The following ANK2 variants were observed in gnomAD, a reference collection of about 807,000 sequenced individuals.
ANK2 encodes the protein ankyrin-2.
In ANK2, 83 loss-of-function variants were observed where a neutral mutation model predicts 360.5. The ratio of observed to expected loss-of-function variants is 0.23; its 90% CI spans 0.19 to 0.28. The LOEUF (loss-of-function observed/expected upper bound fraction) is 0.28, where lower values mean the gene tolerates loss of function less well. Among genes scored for constraint, ANK2 ranks in the 10% least tolerant of loss-of-function variants. ANK2 has a pLI of 1.00. For synonymous variants in ANK2, 1,740 were observed against 1,759.5 expected (o/e 0.99, Z 0.28); for missense variants, 4,201 against 4,795.7 (o/e 0.88, Z 3.66).
At chr4:112,830,364 G>A (rs980003365) in intron 1 of ANK2, among the ~76,000 whole-genome samples, 5 of 152,152 alleles carry the variant, frequency 3.3e-5, no homozygotes, top group African/African-American at 7.2e-5. Flanking sequence ...AGATGGAGCC[G>A]GAGGCCATTA....
chr4:112,784,172 C>A, the ANK2 span, among the ~76,000 whole-genome samples: 1 of 151,790 alleles, frequency 6.6e-6, no homozygotes, highest in Non-Finnish European at 1.5e-5. Flanking sequence ...ATGTTAAAAG[C>A]ATAAACTCCT....
chr4:112,792,464 TGTACAAGTAGTATTGC>T, the ANK2 span, among the ~76,000 whole-genome samples: 1 of 152,228 alleles, frequency 6.6e-6, no homozygotes, highest in African/African-American at 2.4e-5. Flanking sequence ...GCATTCTTAC[TGTACAAGTAGTATTGC>T]CATGGAATTT....
At chr4:113,028,286 G>A (rs1401281226) in intron 2 of ANK2, among the ~76,000 whole-genome samples, 1 of 152,102 alleles carries the variant, frequency 6.6e-6, no homozygotes, top group Non-Finnish European at 1.5e-5. Context: ...GGTGTAGAAG[G>A]TAGCCAAACA....
rs897030789 is a variant in ANK2 at position 113,378,201 on chromosome 4, G to C, written c.11860-3256G>C. ...TAAAAGGTTTGGGTTAGCATGGGGTGATGCTTTGCCAACTAACACCATAAA... is the reference window on the plus strand; with the variant it reads ...TAAAAGGTTTGGGTTAGCATGGGGTCATGCTTTGCCAACTAACACCATAAA... On this transcript the variant is annotated intron_variant, in intron 45 of 45. Coordinates refer to ENST00000357077, the MANE Select transcript of ANK2 (RefSeq NM_001148.6). The C allele has an allele frequency of 6.1e-6, 7 of 1,149,782 alleles. No individual in the cohort carries two copies. In the Admixed American group the frequency reaches 1.8e-4, roughly 30 times the overall value. The allele number at this position is 1,149,782 out of a possible 1,614,324, so 71.2% of individuals were successfully genotyped here.
At chr4:113,124,712 AT>A (rs2095561126) in intron 1 of ANK2, among the ~76,000 whole-genome samples, 1 of 152,140 alleles carries the variant, frequency 6.6e-6, no homozygotes, top group Admixed American at 6.5e-5. Context: ...TTTTTCTCTC[AT>A]TAGAGTTTCA....
chr4:112,743,921 C>T, the ANK2 span, among the ~76,000 whole-genome samples: 5 of 151,968 alleles, frequency 3.3e-5, no homozygotes, highest in East Asian at 1.9e-4. Context: ...CTCTGCCTGC[C>T]GGGTTCATCC....
chr4:112,950,060 C>G (rs2094833109), intron 2 of ANK2, among the ~76,000 whole-genome samples: 1 of 152,174 alleles, frequency 6.6e-6, no homozygotes, highest in African/African-American at 2.4e-5. Flanking sequence ...ATGCTTTCCC[C>G]TTTTCTTCAC....
At chr4:112,960,731 T>C (rs187347642) in intron 2 of ANK2, among the ~76,000 whole-genome samples, 3 of 152,254 alleles carry the variant, frequency 2.0e-5, no homozygotes, top group Admixed American at 2.0e-4. Context: ...TTTACCATCA[T>C]TTTCCTCAAC....
rs1306498924 is a variant in ANK2, at chr4:113,365,312, A to G, written c.11032+130A>G. ...AGAAGGTAGACCATGGCCTATGGTG[A>G]TCATATGTTCTTTTCCTTGCTACCC... On this transcript the variant is annotated intron_variant, in intron 41 of 45. Transcript: ENST00000357077. The G allele has an allele frequency of 4.6e-5, 45 of 984,346 alleles. 3 individuals are homozygous for G. The South Asian group carries it at 5.7e-4, about 12-fold the overall frequency. The allele number at this position is 984,346 out of a possible 1,614,324, so 61.0% of individuals were successfully genotyped here.
At chr4:112,829,690 T>C (rs950588577) in intron 1 of ANK2, among the ~76,000 whole-genome samples, 15 of 152,072 alleles carry the variant, frequency 9.9e-5, no homozygotes, top group Admixed American at 7.9e-4. Flanking sequence ...GCATGGTGAC[T>C]CACACCTGTA....
At chr4:113,076,950 T>G (rs531769198) in intron 1 of ANK2, among the ~76,000 whole-genome samples, 1 of 152,098 alleles carries the variant, frequency 6.6e-6, no homozygotes, top group Non-Finnish European at 1.5e-5. Context: ...CTTTACTGGT[T>G]GGTGCTGGAT....
chr4:113,211,942 T>C (rs78759141), intron 4 of ANK2, among the ~76,000 whole-genome samples: 2,150 of 152,334 alleles, frequency 0.014, 28 homozygotes, highest in African/African-American at 0.036. Context: ...CTTTATGCTA[T>C]ATTATCTTGC....
chr4:112,970,144 A>C (rs1018182566), intron 2 of ANK2, among the ~76,000 whole-genome samples: 2 of 148,104 alleles, frequency 1.4e-5, no homozygotes, highest in Non-Finnish European at 1.5e-5. Flanking sequence ...CCACCACACC[A>C]GTTTAATTTT....
At chr4:112,827,599 C>G (rs756769540) in intron 1 of ANK2, 37 of 927,302 alleles carry the variant, frequency 4.0e-5, no homozygotes, top group Non-Finnish European at 6.4e-5. Flanking sequence ...CCTGGCCCTT[C>G]TGAAGGGACC....
Position 113,151,041 on chromosome 4 carries a change from A to G in ANK2, c.85-23375A>G, listed in dbSNP as rs537901863. On this transcript the variant is annotated intron_variant, in intron 1 of 45. Transcript: ENST00000357077. ...TGAATTAATGACTAGGAAATCACCC[A>G]AAGTAGCAAATCTATTTATGGGAAT... 36 of 1,272,468 alleles carry G rather than the reference A, an allele frequency of 2.8e-5. No homozygotes were observed. In the African/African-American group the frequency reaches 5.1e-4, roughly 18 times the overall value. 78.8% of individuals were successfully genotyped at this position (1,272,468 alleles called of 1,614,324 possible). A position where few individuals can be genotyped will look rare whatever the true frequency, so the allele number is the denominator to read the frequency against.
At chr4:113,319,585 C>A (rs1030914368) in intron 26 of ANK2, among the ~76,000 whole-genome samples, 1 of 151,798 alleles carries the variant, frequency 6.6e-6, no homozygotes, top group Admixed American at 6.6e-5. Context: ...AGAGTTCCAA[C>A]ATATTTTAGT....
At chr4:112,823,308 G>A (rs2057633833) in intron 1 of ANK2, among the ~76,000 whole-genome samples, 1 of 152,182 alleles carries the variant, frequency 6.6e-6, no homozygotes, top group Non-Finnish European at 1.5e-5. Context: ...GTGGCTTTGA[G>A]TGGTTTCAAA....
In ANK2 at chr4:113,237,586, A is replaced by C. The variant is rs1713711767; in HGVS notation, c.670-13A>C. 2 of 1,607,332 alleles carry C rather than the reference A, an allele frequency of 1.2e-6. No individual in the cohort carries two copies. Among genetic ancestry groups the C allele is most frequent in the Non-Finnish European group, 1.7e-6 (2 of 1,173,852 alleles). ...AATATCTTCCCTCTTTCTTCCAAAC[A>C]ACACTGCTTCAGATGATGGTGAATA... On this transcript the variant is annotated splice_polypyrimidine_tract_variant and intron_variant, in intron 6 of 45. Transcript: ENST00000357077.
the ANK2 span, among the ~76,000 whole-genome samples, chr4:112,791,249 G>C: frequency 6.6e-6 from 1 of 152,140 alleles, no homozygotes; most frequent in Admixed American, 6.5e-5. Flanking sequence ...CACCTGTCTG[G>C]AATATTGTAG....
Sources: allele counts gnomAD v4.1 joint callset (sites outside exome capture counted in the v4.1 genomes callset), GRCh38; gene constraint gnomAD v4.1.1; transcripts MANE v1.5; gene names NCBI Gene and HGNC (gene_info 2026-07-23, HGNC 2026-07-21).